TTN: variants seen among roughly 807,000 people sequenced by gnomAD.
The protein encoded by TTN is connectin.
A neutral mutation model predicts 3,223.0 loss-of-function variants in TTN; 1,525 were observed. The ratio of observed to expected loss-of-function variants is 0.47; its 90% CI spans 0.45 to 0.49. The LOEUF (loss-of-function observed/expected upper bound fraction) is 0.49. Among genes scored for constraint, TTN ranks in the 20% least tolerant of loss-of-function variants. The pLI is 0.00. For synonymous variants in TTN, 14,094 were observed against 15,161.0 expected (o/e 0.93, Z 5.17); for missense variants, 40,786 against 43,424.0 (o/e 0.94, Z 5.40).
chr2:178,541,065 C>A, intron 350 of TTN: 1 of 383,792 alleles, frequency 2.6e-6, no homozygotes, highest in East Asian at 3.9e-5. Flanking sequence ...AAATTATTTG[C>A]CAGAAATCGC....
At chr2:178,695,758 T>C in intron 114 of TTN, 107 bp downstream of exon 114, 1 of 916,508 alleles carries the variant, frequency 1.1e-6, no homozygotes, top group Non-Finnish European at 1.5e-6. Flanking sequence ...CTAAGATCAT[T>C]TTAACTATTT....
intron 343 of TTN, 36 bp from the exon 344 acceptor site, chr2:178,545,729 A>C (rs1163209599): frequency 6.2e-7 from 1 of 1,602,502 alleles, no homozygotes; most frequent in Non-Finnish European, 8.5e-7. Flanking sequence ...GAATTGCACA[A>C]AATTACTATT....
At chr2:178,778,127 G>T in intron 24 of TTN, 152 bp from the exon 25 acceptor site, 1 of 972,178 alleles carries the variant, frequency 1.0e-6, no homozygotes, top group South Asian at 1.5e-5. Flanking sequence ...ATCTAAAATA[G>T]AATATATTAT....
chr2:178,729,650 T>A lies in TTN; in HGVS notation c.18589+14A>T, dbSNP rs760273637. The A allele has an allele frequency of 6.2e-7, 1 of 1,613,670 alleles. No homozygotes were observed. Among genetic ancestry groups the A allele is most frequent in the East Asian group, 2.2e-5 (1 of 44,864 alleles). ...CAGCACAGCCAAAATGGAGAATAGA[T>A]TCCATTCACGAACCTTTCACTTTGA... On this transcript the variant is annotated intron_variant, in intron 63 of 362. Coordinates refer to ENST00000589042, the MANE Select transcript of TTN (RefSeq NM_001267550.2).
rs184205694 is a variant in TTN, at chr2:178,756,390, C to T, written c.11086G>A (p.Glu3696Lys). ...DSFIDVTWTHEGAKIEESERL... is the reference protein window; with the variant it reads ...DSFIDVTWTHKGAKIEESERL... ...TCGGATTCCTCTATCTTTGCACCTTCGTGAGTCCAGGTTACATCAATGAAA... is the reference window on the plus strand; with the variant it reads ...TCGGATTCCTCTATCTTTGCACCTTTGTGAGTCCAGGTTACATCAATGAAA... Residue 3696 changes from glutamate to lysine, a missense_variant, in exon 46 of 363, where the codon GAA (glutamate) becomes AAA (lysine). Physicochemically the swap from Glu to Lys is moderately conservative, Grantham distance 56. Transcript: ENST00000589042. 1.2e-5 allele frequency: 19 copies of T among 1,613,796 alleles called. No individual in the cohort carries two copies. The highest frequency in any genetic ancestry group is 5.3e-5 in the African/African-American group (4 of 75,024).
rs757420766 is a variant in TTN at position 178,720,139 on chromosome 2, C to T, written c.23503G>A (p.Val7835Ile). ...SVVWLKDRGE[V>I]IRESENTRIS... Reference sequence around the variant, plus strand: ...CTGGTATTTTCACTCTCTCTGATGACTTCACCTCTATCTTTCAGCCAGACA... The same window carrying T: ...CTGGTATTTTCACTCTCTCTGATGATTTCACCTCTATCTTTCAGCCAGACA... Residue 7835 changes from valine (V) to isoleucine (I), a missense_variant, in exon 81 of 363, where the codon GTC becomes ATC. Val to Ile is a conservative substitution (Grantham distance 29, BLOSUM62 3). Transcript: ENST00000589042. 6.2e-7 allele frequency: 1 copy of T among 1,613,792 alleles called. No individual in the cohort carries two copies. Among genetic ancestry groups the T allele is most frequent in the African/African-American group, 1.3e-5 (1 of 75,040 alleles).
Position 178,635,700 on chromosome 2 carries a change from C to A in TTN, c.41624G>T (p.Trp13875Leu). The change falls in exon 227 of 363, where the codon TGG (tryptophan) becomes TTG (leucine). Residue 13875 changes from tryptophan to leucine, a missense_variant. By Grantham distance (61) the Trp-to-Leu change is moderately conservative. Coordinates refer to ENST00000589042, the MANE Select transcript of TTN (RefSeq NM_001267550.2). ...CTGGTCTCGTATAGGTTTCACCAGC[C>A]AATCTCTAATGACTTCTATATGAAA... ...CVKVVEVIRD[W>L]LVKPIRDQHV... The A allele has an allele frequency of 6.2e-7, 1 of 1,600,860 alleles. No individual in the cohort carries two copies. The highest frequency in any genetic ancestry group is 2.3e-5 in the East Asian group (1 of 44,334).
At chr2:178,677,364 A>C in intron 146 of TTN, 77 bp from the exon 147 acceptor site, 2 of 524,642 alleles carry the variant, frequency 3.8e-6, no homozygotes, top group Non-Finnish European at 2.6e-6. Flanking sequence ...ATATATATGA[A>C]AGAGACACGT....
Position 178,620,801 on chromosome 2 carries a change from T to G in TTN, c.45809A>C (p.His15270Pro). ...ATTATAGTTGGCTTGGTCATCTAAG[T>G]GTGCATCTCTAATTCTGAGGGTGTA... ...LVYTLRIRDA[H>P]LDDQANYNVS... is the part of the protein sequence containing the mutation. The change falls in exon 247 of 363, where the codon CAC (histidine) becomes CCC (proline). Residue 15270 changes from histidine to proline, a missense_variant. His to Pro is a moderately conservative substitution (Grantham distance 77). Coordinates refer to ENST00000589042, the MANE Select transcript of TTN (RefSeq NM_001267550.2). 6.2e-7 allele frequency: 1 copy of G among 1,612,820 alleles called. No individual in the cohort carries two copies. The highest frequency in any genetic ancestry group is 8.5e-7 in the Non-Finnish European group (1 of 1,179,164).
At position 178,532,109 on chromosome 2, in the gene TTN, G is replaced by T. The variant is rs1689391116; in HGVS notation, c.104506C>A (p.Leu34836Ile). 1 of 1,613,870 alleles carries T rather than the reference G, an allele frequency of 6.2e-7. No homozygotes were observed. The highest frequency in any genetic ancestry group is 1.3e-5 in the African/African-American group (1 of 74,928). Residue 34836 changes from leucine to isoleucine, a missense_variant, in exon 358 of 363, where the codon CTA (leucine) becomes ATA (isoleucine). Leu to Ile is a conservative substitution (Grantham distance 5). Transcript: ENST00000589042. ...GACAGGGAGCGCCGTCGTCTCAGTAGTCTAGACGCAGATGAGGATGATTCT... is the reference window on the plus strand; with the variant it reads ...GACAGGGAGCGCCGTCGTCTCAGTATTCTAGACGCAGATGAGGATGATTCT... Reference protein sequence around the residue: ...QRESSSSASRLLRRRRSLSPT... With the variant: ...QRESSSSASRILRRRRSLSPT...
chr2:178,689,029 T>G, intron 125 of TTN, 24 bp downstream of exon 125: 2 of 1,224,688 alleles, frequency 1.6e-6, no homozygotes, highest in Non-Finnish European at 2.3e-6. Context: ...TTTTTTTTTG[T>G]CAGAGGATTG....
At chr2:178,545,256 A>G in intron 344 of TTN, 132 bp downstream of exon 344, 1 of 752,534 alleles carries the variant, frequency 1.3e-6, no homozygotes, top group Non-Finnish European at 1.9e-6. Context: ...TATATTTATG[A>G]TCATGCAAAT....
chr2:178,638,528 C>T (rs1469500790), intron 223 of TTN, among the ~76,000 whole-genome samples: 2 of 150,530 alleles, frequency 1.3e-5, no homozygotes, highest in African/African-American at 2.4e-5. Context: ...CTATGCACAT[C>T]TCACTGTGGA....
Position 178,721,893 on chromosome 2 carries a change from G to T in TTN, c.22770C>A (p.Thr7590=). Residue 7590 remains threonine (T), a synonymous_variant, in exon 78 of 363, where the codon ACC becomes ACA. Transcript: ENST00000589042. ...AGCACATGTCTTTGCCAACATCATT[G>T]GTTGCTTGGCAAGTATATTGACCAG... ...GDSGQYTCQA[T]NDVGKDMCSA... is the part of the protein sequence containing the mutation. 6.2e-7 allele frequency: 1 copy of T among 1,613,082 alleles called. No homozygotes were observed. The highest frequency in any genetic ancestry group is 2.2e-5 in the East Asian group (1 of 44,858).
intron 6 of TTN, 181 bp downstream of exon 6, chr2:178,799,306 G>T (rs1189439721): frequency 2.2e-6 from 2 of 900,320 alleles, no homozygotes; most frequent in Non-Finnish European, 3.3e-6. Context: ...ATGTCCAGAG[G>T]AACACGGAGC....
Position 178,723,497 on chromosome 2 carries a change from T to C in TTN, c.21603A>G (p.Ile7201Met). The part of the protein sequence containing the change: ...VAELELFNID[I>M]SQSGEYTCVV... ...CACAGGTGTATTCCCCACTCTGAGATATGTCAATATTAAATAATTCCAGTT... is the reference window on the plus strand; with the variant it reads ...CACAGGTGTATTCCCCACTCTGAGACATGTCAATATTAAATAATTCCAGTT... The change falls in exon 74 of 363, where the codon ATA becomes ATG. Residue 7201 changes from isoleucine to methionine, a missense_variant. Ile to Met is a conservative substitution (Grantham distance 10, BLOSUM62 1). Transcript: ENST00000589042. 3 of 1,613,346 alleles carry C rather than the reference T, an allele frequency of 1.9e-6. No individual in the cohort carries two copies. Among genetic ancestry groups the C allele is most frequent in the African/African-American group, 2.7e-5 (2 of 75,024 alleles).
At chr2:178,649,200 T>C (rs2062512582) in intron 213 of TTN, 48 bp downstream of exon 213, 6 of 1,336,822 alleles carry the variant, frequency 4.5e-6, no homozygotes, top group Non-Finnish European at 6.1e-6. Context: ...ATTATTAACA[T>C]GCTTAAATAG....
rs753136249 is a variant in TTN at position 178,693,646 on chromosome 2, G to A, written c.31557C>T (p.His10519=). ...GTTCAACCCTTTTGGAAATGGCAAC[G>A]TGAATTTTCTCTTCAGTAACAATTT... ...QKEIVTEEKI[H]VAISKRVEPP... is the part of the protein sequence containing the mutation. The change falls in exon 119 of 363, where the codon CAC becomes CAT. Residue 10519 remains histidine, a synonymous_variant. Coordinates refer to ENST00000589042, the MANE Select transcript of TTN (RefSeq NM_001267550.2). 11 of 1,599,428 alleles carry A rather than the reference G, an allele frequency of 6.9e-6. No individual in the cohort carries two copies. The highest frequency in any genetic ancestry group is 2.7e-5 in the African/African-American group (2 of 74,658).
intron 62 of TTN, 53 bp downstream of exon 62, chr2:178,730,040 C>CCAGGCAAGAAAATCTAGA: frequency 1.9e-6 from 3 of 1,595,728 alleles, no homozygotes; most frequent in Non-Finnish European, 2.6e-6. Context: ...CCGGCCCACC[C>CCAGGCAAGAAAATCTAGA]CAGGCAAGAA....
Sources: gnomAD v4.1 joint callset for allele counts (sites outside exome capture counted in the v4.1 genomes callset) on GRCh38, gnomAD v4.1.1 for gene constraint, MANE v1.5 for transcripts, NCBI Gene and HGNC (gene_info 2026-07-23, HGNC 2026-07-21) for gene names.